MON2: variants seen among roughly 807,000 people sequenced by gnomAD.
MON2 encodes MON2 regulator of endosome-to-Golgi trafficking.
Under a neutral mutation model 208.6 loss-of-function variants are expected in MON2, and 84 were observed. The observed-to-expected ratio is 0.40, with a 90% CI of 0.34 to 0.48. The LOEUF (loss-of-function observed/expected upper bound fraction) is 0.48. MON2 is among the 20% of genes least tolerant of loss of function. The pLI is 0.59. For synonymous variants in MON2, 660 were observed against 694.0 expected (o/e 0.95, Z 0.77); for missense variants, 1,611 against 2,015.4 (o/e 0.80, Z 3.84).
At chr12:62,590,080 G>C (rs1332358264) in intron 34 of MON2, among the ~76,000 whole-genome samples, 1 of 151,958 alleles carries the variant, frequency 6.6e-6, no homozygotes, top group Non-Finnish European at 1.5e-5. Context: ...ATTTTTGTTT[G>C]GGGAGATTTT....
In MON2 at chr12:62,502,502, G is replaced by A. The variant is rs368947487; in HGVS notation, c.789+804G>A. Among the ~76,000 whole-genome samples, 7 of 150,224 alleles carry A rather than the reference G, an allele frequency of 4.7e-5. No individual in the cohort carries two copies. In the East Asian group the frequency reaches 1.2e-3, roughly 25 times the overall value. On this transcript the variant is annotated intron_variant, in intron 7 of 34. Coordinates refer to ENST00000393630, the MANE Select transcript of MON2 (RefSeq NM_015026.3). ...TTAGTGTTACATTACTTTTTTTTTA[G>A]TGCCTTAGCATTTTGGAATTTTAAT...
At chr12:62,493,062 A>C (rs2136045458) in intron 2 of MON2, among the ~76,000 whole-genome samples, 1 of 152,064 alleles carries the variant, frequency 6.6e-6, no homozygotes, top group East Asian at 1.9e-4. Context: ...CACACAAAAC[A>C]AATAATCGCT....
At chr12:62,501,532 T>C in intron 6 of MON2, 41 bp from the exon 7 acceptor site, 2 of 1,603,286 alleles carry the variant, frequency 1.2e-6, no homozygotes, top group Non-Finnish European at 8.5e-7. Context: ...GAAAAGCACA[T>C]TTAATTCTAG....
At chr12:62,491,928 T>G (rs1282733342) in intron 2 of MON2, among the ~76,000 whole-genome samples, 2 of 152,240 alleles carry the variant, frequency 1.3e-5, no homozygotes, top group Non-Finnish European at 2.9e-5. Flanking sequence ...TGAAGCTTTA[T>G]GAGGAGCTTT....
At chr12:62,564,471 A>G (rs561057285) in intron 26 of MON2, among the ~76,000 whole-genome samples, 41 of 152,066 alleles carry the variant, frequency 2.7e-4, no homozygotes, top group African/African-American at 8.9e-4. Flanking sequence ...TAAACAAGAA[A>G]ATACGAAAAG....
At chr12:62,532,791 A>G (rs1241163279) in intron 12 of MON2, 121 bp downstream of exon 12, 1 of 700,160 alleles carries the variant, frequency 1.4e-6, no homozygotes. Context: ...TCCCACATTT[A>G]CCTTACCATT....
rs928022790 is a variant in MON2, at chr12:62,546,975, G to C, written c.2656G>C (p.Glu886Gln). Residue 886 changes from glutamate to glutamine, a missense_variant, in exon 22 of 35, where the codon GAA becomes CAA. By Grantham distance (29) the Glu-to-Gln change is conservative. Coordinates refer to ENST00000393630, the MANE Select transcript of MON2 (RefSeq NM_015026.3). Reference sequence around the variant, plus strand: ...TCCAGATATTCGACTCAAGCAGTTAGAATGCGTGTTGCAGATTCTGCAGAG... The same window carrying C: ...TCCAGATATTCGACTCAAGCAGTTACAATGCGTGTTGCAGATTCTGCAGAG... ...NHPDIRLKQL[E>Q]CVLQILQSQG... 6 of 1,613,424 alleles carry C rather than the reference G, an allele frequency of 3.7e-6. No individual in the cohort carries two copies. Among genetic ancestry groups the C allele is most frequent in the Non-Finnish European group, 5.1e-6 (6 of 1,179,552 alleles).
rs2073792751 is a variant in MON2, at chr12:62,552,477, A to G, written c.2917-404A>G. 3.3e-5 allele frequency among the ~76,000 whole-genome samples: 5 copies of G among 152,132 alleles called. No homozygotes were observed. The South Asian group carries it at 1.0e-3, about 32-fold the overall frequency. Reference sequence around the variant, plus strand: ...TAATTGCTCGTGTATGAAATTACAAACTTATTAAACAATATTAAGGAATTG... The same window carrying G: ...TAATTGCTCGTGTATGAAATTACAAGCTTATTAAACAATATTAAGGAATTG... On this transcript the variant is annotated intron_variant, in intron 23 of 34. Transcript: ENST00000393630.
At chr12:62,572,815 A>T (rs558460145) in intron 30 of MON2, among the ~76,000 whole-genome samples, 26 of 152,340 alleles carry the variant, frequency 1.7e-4, no homozygotes, top group African/African-American at 6.0e-4. Flanking sequence ...GTGTACTGCT[A>T]AATAACCATT....
At chr12:62,480,233 C>T (rs1042459303) in intron 1 of MON2, among the ~76,000 whole-genome samples, 2 of 152,130 alleles carry the variant, frequency 1.3e-5, no homozygotes, top group Non-Finnish European at 2.9e-5. Context: ...ATACTGGTTA[C>T]GTATCTTTTA....
intron 8 of MON2, among the ~76,000 whole-genome samples, chr12:62,512,740 T>C (rs776459438): frequency 6.6e-6 from 1 of 152,246 alleles, no homozygotes; most frequent in Non-Finnish European, 1.5e-5. Context: ...GTGGGGGCTC[T>C]GACCTCACAT....
intron 30 of MON2, among the ~76,000 whole-genome samples, chr12:62,572,768 A>G (rs1315415374): frequency 6.6e-6 from 1 of 152,172 alleles, no homozygotes; most frequent in African/African-American, 2.4e-5. Context: ...AAATGTTTGT[A>G]TCCATCAATC....
At chr12:62,472,234 G>A (rs2068825011) in intron 1 of MON2, among the ~76,000 whole-genome samples, 1 of 152,174 alleles carries the variant, frequency 6.6e-6, no homozygotes, top group African/African-American at 2.4e-5. Flanking sequence ...AAAGAGCAGT[G>A]GGGTTGGGGA....
At chr12:62,532,353 A>G (rs1455983743) in intron 11 of MON2, 85 bp from the exon 12 acceptor site, 26 of 987,380 alleles carry the variant, frequency 2.6e-5, no homozygotes, top group Admixed American at 2.3e-5. Flanking sequence ...CTTAATTTCT[A>G]TAGTCTGTAA....
intron 19 of MON2, among the ~76,000 whole-genome samples, chr12:62,541,921 G>A (rs910800038): frequency 3.9e-5 from 6 of 152,076 alleles, no homozygotes; most frequent in African/African-American, 1.4e-4. Context: ...TTATATGCCA[G>A]GCACTTTCTA....
At chr12:62,532,011 C>T (rs2072673850) in intron 11 of MON2, among the ~76,000 whole-genome samples, 1 of 152,092 alleles carries the variant, frequency 6.6e-6, no homozygotes, top group African/African-American at 2.4e-5. Context: ...CCTCGTGATC[C>T]ACCCACCTCG....
At chr12:62,496,221 T>A (rs1296014478) in intron 4 of MON2, among the ~76,000 whole-genome samples, 1 of 152,008 alleles carries the variant, frequency 6.6e-6, no homozygotes, top group East Asian at 1.9e-4. Context: ...TTTTTGTATA[T>A]CCTTTTGTGT....
In MON2 at chr12:62,537,756, T is replaced by A. The variant is rs368769452; in HGVS notation, c.2118+50T>A. ...GATTAGTGTTGTTTTTATATATAATTGCTAACAGTTAGACTAAGCAATGTA... is the reference window on the plus strand; with the variant it reads ...GATTAGTGTTGTTTTTATATATAATAGCTAACAGTTAGACTAAGCAATGTA... On this transcript the variant is annotated intron_variant, in intron 16 of 34. Coordinates refer to ENST00000393630, the MANE Select transcript of MON2 (RefSeq NM_015026.3). 6.0e-4 allele frequency: 801 copies of A among 1,342,848 alleles called. 2 individuals carry two copies. The highest frequency in any genetic ancestry group is 7.3e-4 in the Non-Finnish European group (696 of 947,964). 83.2% of individuals were successfully genotyped at this position (1,342,848 alleles called of 1,614,324 possible).
At chr12:62,557,468 A>G (rs2074011295) in intron 25 of MON2, among the ~76,000 whole-genome samples, 1 of 152,226 alleles carries the variant, frequency 6.6e-6, no homozygotes, top group Non-Finnish European at 1.5e-5. Flanking sequence ...TACAACCAGA[A>G]ATGTCAATGG....
Sources: gnomAD v4.1 joint callset for allele counts (sites outside exome capture counted in the v4.1 genomes callset) on GRCh38, gnomAD v4.1.1 for gene constraint, MANE v1.5 for transcripts, NCBI Gene and HGNC (gene_info 2026-07-23, HGNC 2026-07-21) for gene names.